The following PHKB variants were observed in gnomAD, a reference collection of about 807,000 sequenced individuals.
PHKB encodes the protein phosphorylase b kinase regulatory subunit beta.
PHKB carries 122 observed loss-of-function variants against 152.1 expected under a neutral mutation model. The ratio of observed to expected loss-of-function variants is 0.80; its 90% confidence interval spans 0.69 to 0.93. PHKB has a LOEUF of 0.93. PHKB is among the 40% of genes least tolerant of loss of function. The probability of loss-of-function intolerance (pLI) is 0.00; values close to 1 mark genes in which losing one functional copy is unlikely to be tolerated. For missense variants in PHKB, 1,304 were observed against 1,328.4 expected, an observed-to-expected ratio of 0.98 and a Z score of 0.29; for synonymous variants, 436 against 464.9, an observed-to-expected ratio of 0.94 and a Z score of 0.80.
At chr16:47,500,857 G>A (rs1023016152) in intron 3 of PHKB, among the ~76,000 whole-genome samples, 5 of 152,214 alleles carry the variant, frequency 3.3e-5, no homozygotes, top group South Asian at 4.2e-4. Context: ...TTAATTTCCT[G>A]AAAGCGATCC....
intron 7 of PHKB, chr16:47,566,312 T>C: frequency 8.8e-7 from 1 of 1,141,752 alleles, no homozygotes; most frequent in South Asian, 1.2e-5. Flanking sequence ...AGTCTGTATC[T>C]GTTTTGTCAT....
At chr16:47,604,677 T>G (rs572750553) in intron 13 of PHKB, among the ~76,000 whole-genome samples, 3 of 152,346 alleles carry the variant, frequency 2.0e-5, no homozygotes, top group East Asian at 3.9e-4. Flanking sequence ...TTCTTTAAAT[T>G]ATTATTTCAT....
intron 13 of PHKB, among the ~76,000 whole-genome samples, chr16:47,605,288 C>T (rs1167959031): frequency 6.6e-6 from 1 of 152,088 alleles, no homozygotes; most frequent in Admixed American, 6.6e-5. Context: ...TATACATGAG[C>T]ACGTGGTGTA....
intron 3 of PHKB, among the ~76,000 whole-genome samples, chr16:47,501,785 C>A (rs1970328850): frequency 6.6e-6 from 1 of 152,166 alleles, no homozygotes; most frequent in Non-Finnish European, 1.5e-5. Context: ...GGATAGGCAG[C>A]ATATGGACAA....
intron 7 of PHKB, among the ~76,000 whole-genome samples, chr16:47,572,807 T>A (rs1206677671): frequency 6.6e-6 from 1 of 152,182 alleles, no homozygotes; most frequent in African/African-American, 2.4e-5. Flanking sequence ...GCAGCCTGAT[T>A]GGTGTGAGTA....
rs1202435238 is a variant in PHKB at position 47,700,814 on chromosome 16, A to T, written c.*1448A>T. 2 of 152,170 alleles carry T rather than the reference A, an allele frequency of 1.3e-5. No individual in the cohort carries two copies. The highest frequency in any genetic ancestry group is 2.9e-5 in the Non-Finnish European group (2 of 68,026). The allele number at this position is 152,170 out of a possible 1,614,324, so 9.4% of individuals were successfully genotyped here. On this transcript the variant is annotated 3_prime_UTR_variant, in exon 31 of 31. Transcript: ENST00000323584. ...GTGTTTTGAAAGGATGTAAGAAAGG[A>T]TGAGTGGCTTCAGTATTGAGTCAAT...
intron 1 of PHKB, 76 bp downstream of exon 1, chr16:47,461,502 C>A: frequency 6.9e-7 from 1 of 1,453,640 alleles, no homozygotes; most frequent in Non-Finnish European, 9.6e-7. Context: ...TGGCGGGAGG[C>A]AGGTGGGGGC....
At chr16:47,598,822 G>A (rs1163530405) in intron 13 of PHKB, 34 of 1,600,458 alleles carry the variant, frequency 2.1e-5, no homozygotes, top group Middle Eastern at 4.5e-4. Context: ...ATCTGGTTCC[G>A]CTTTAACCAT....
At chr16:47,567,956 C>T (rs909802307) in intron 7 of PHKB, among the ~76,000 whole-genome samples, 2 of 151,964 alleles carry the variant, frequency 1.3e-5, no homozygotes, top group African/African-American at 4.8e-5. Flanking sequence ...TTTATTGAGG[C>T]TTTTTGCATC....
At chr16:47,665,330 T>TA in intron 25 of PHKB, 1 of 252,390 alleles carries the variant, frequency 4.0e-6, no homozygotes, top group African/African-American at 2.3e-5. Context: ...GTGCTGTACT[T>TA]TAAAAAAAAA....
intron 7 of PHKB, among the ~76,000 whole-genome samples, chr16:47,555,791 G>GT (rs1567304702): frequency 1.3e-5 from 2 of 152,304 alleles, no homozygotes; most frequent in East Asian, 1.9e-4. Context: ...CTTTAAAGTA[G>GT]TTTTTTCCAA....
At chr16:47,641,143 G>A (rs925054695) in intron 15 of PHKB, 53 bp downstream of exon 15, 6 of 1,236,992 alleles carry the variant, frequency 4.9e-6, no homozygotes, top group Middle Eastern at 1.9e-4. Context: ...GAGGGGAGGG[G>A]AAATGATTGC....
intron 7 of PHKB, among the ~76,000 whole-genome samples, chr16:47,576,969 T>C (rs922300452): frequency 1.3e-5 from 2 of 152,090 alleles, no homozygotes; most frequent in Admixed American, 6.5e-5. Context: ...TGTTTGGGCT[T>C]CAGTCTGCCA....
At chr16:47,501,614 A>G (rs1198850138) in intron 3 of PHKB, among the ~76,000 whole-genome samples, 1 of 152,194 alleles carries the variant, frequency 6.6e-6, no homozygotes, top group Admixed American at 6.5e-5. Flanking sequence ...ACTTTCAAAC[A>G]ATGAAGAAAA....
intron 7 of PHKB, among the ~76,000 whole-genome samples, chr16:47,550,739 G>A (rs1432016140): frequency 6.6e-6 from 1 of 152,212 alleles, no homozygotes; most frequent in Non-Finnish European, 1.5e-5. Flanking sequence ...CATAAAGTGA[G>A]TTAGGGAGGA....
intron 10 of PHKB, among the ~76,000 whole-genome samples, chr16:47,592,937 G>T (rs952815404): frequency 2.6e-5 from 4 of 152,050 alleles, no homozygotes; most frequent in African/African-American, 9.7e-5. Flanking sequence ...CCTAACTATA[G>T]TTCTTCTAAT....
chr16:47,488,155 CATT>C lies in PHKB; in HGVS notation c.77-9243_77-9241del, dbSNP rs1396231256. Among the ~76,000 whole-genome samples the C allele has an allele frequency of 3.3e-5, 5 of 152,150 alleles. No individual in the cohort carries two copies. In the East Asian group the frequency reaches 9.6e-4, roughly 29 times the overall value. On this transcript the variant is annotated intron_variant, in intron 1 of 30. Transcript: ENST00000323584. Reference sequence around the variant, plus strand: ...CTCTCACTGGTGTGAGATGGTATCTCATTGTGGTTCTGAATTGCATTTCTCTAA... The same window carrying C: ...CTCTCACTGGTGTGAGATGGTATCTCGTGGTTCTGAATTGCATTTCTCTAA...
intron 7 of PHKB, among the ~76,000 whole-genome samples, chr16:47,570,320 C>T (rs1335763916): frequency 6.6e-6 from 1 of 152,184 alleles, no homozygotes; most frequent in African/African-American, 2.4e-5. Flanking sequence ...ATTTGGATGT[C>T]TAAATCTCTA....
chr16:47,585,813 A>C (rs975403693), intron 8 of PHKB, among the ~76,000 whole-genome samples: 2 of 152,240 alleles, frequency 1.3e-5, no homozygotes, highest in African/African-American at 2.4e-5. Flanking sequence ...GGCTGTTTAC[A>C]TTAATCAAGT....
Sources: gnomAD v4.1 joint callset for allele counts (sites outside exome capture counted in the v4.1 genomes callset) on GRCh38, gnomAD v4.1.1 for gene constraint, MANE v1.5 for transcripts, NCBI Gene and HGNC (gene_info 2026-07-23, HGNC 2026-07-21) for gene names.